SPNS3: variants seen among roughly 807,000 people sequenced by gnomAD.
SPNS3 encodes the protein protein spinster homolog 3.
Under a neutral mutation model 54.4 loss-of-function variants are expected in SPNS3, and 51 were observed. The observed-to-expected ratio is 0.94, with a 90% confidence interval of 0.75 to 1.18. The LOEUF is 1.18. SPNS3 is among the 50% of genes most tolerant of loss of function. The pLI, the probability that SPNS3 is intolerant of heterozygous loss-of-function variation, is 0.00. For missense variants in SPNS3, 669 were observed against 677.4 expected (o/e 0.99, Z 0.14); for synonymous variants, 309 against 294.7 (o/e 1.05, Z -0.50).
At chr17:4,450,365 C>CTCTT (rs1264986928) in intron 7 of SPNS3, among the ~76,000 whole-genome samples, 1 of 143,470 alleles carries the variant, frequency 7.0e-6, no homozygotes, top group Non-Finnish European at 1.5e-5. Context: ...CTCTCTCTCT[C>CTCTT]TCTCCCTACC....
At position 4,488,199 on chromosome 17, in the gene SPNS3, C is replaced by A; in HGVS notation, c.*305C>A. Reference sequence around the variant, plus strand: ...CAGTACAAAGCCCATGGATTTTGGGCCTGTAGACAGCCGTGTTATTTATAG... The same window carrying A: ...CAGTACAAAGCCCATGGATTTTGGGACTGTAGACAGCCGTGTTATTTATAG... On this transcript the variant is annotated 3_prime_UTR_variant, in exon 12 of 12. Transcript: ENST00000355530. 2.6e-6 allele frequency: 1 copy of A among 389,140 alleles called. No homozygotes were observed. Among genetic ancestry groups the A allele is most frequent in the Non-Finnish European group, 4.8e-6 (1 of 210,346 alleles). The allele number at this position is 389,140 out of a possible 1,614,324, so 24.1% of individuals were successfully genotyped here.
intron 5 of SPNS3, among the ~76,000 whole-genome samples, chr17:4,447,325 T>C (rs1971025470): frequency 6.6e-6 from 1 of 152,198 alleles, no homozygotes; most frequent in African/African-American, 2.4e-5. Context: ...GGTCAGGGTG[T>C]AGAGTAGGCC....
chr17:4,455,247 C>T (rs1314948160), intron 8 of SPNS3, among the ~76,000 whole-genome samples: 1 of 152,214 alleles, frequency 6.6e-6, no homozygotes, highest in African/African-American at 2.4e-5. Flanking sequence ...CAGAAAACTG[C>T]CTTGGGAAGA....
At chr17:4,453,504 G>C (rs1157046583) in intron 8 of SPNS3, among the ~76,000 whole-genome samples, 2 of 152,186 alleles carry the variant, frequency 1.3e-5, no homozygotes, top group African/African-American at 4.8e-5. Context: ...TATAATCCCA[G>C]CTGCTTGGGA....
Position 4,453,055 on chromosome 17 carries a change from TG to T in SPNS3, c.967del (p.Val323SerfsTer144), listed in dbSNP as rs1408548265. 1 of 1,613,872 alleles carries T rather than the reference TG, an allele frequency of 6.2e-7. No individual in the cohort carries two copies. Among genetic ancestry groups the T allele is most frequent in the Non-Finnish European group, 8.5e-7 (1 of 1,179,940 alleles). On this transcript the variant is annotated frameshift_variant, in exon 8 of 12. Transcript: ENST00000355530. LOFTEE classifies it high-confidence loss of function. ...CACTGACCATCATGACCGGCGTCAT[TG>T]GGGTCATCTTGGGGGCAGAAGCTGC... is the stretch of plus-strand genomic sequence containing the variant. ...GALTIMTGVIGVILGAEAARR... is the reference protein window; with the variant it reads ...GALTIMTGVIXVILGAEAARR...
rs541416421 is a variant in SPNS3 at position 4,434,177 on chromosome 17, G to A, written c.199+11G>A. On this transcript the variant is annotated intron_variant, in intron 1 of 11. Coordinates refer to ENST00000355530, the MANE Select transcript of SPNS3 (RefSeq NM_182538.5). ...GGTTCATCATTGCAGGTGAGGAGGGGATGGCTACCCTGGGCAGTACCTGCT... is the reference window on the plus strand; with the variant it reads ...GGTTCATCATTGCAGGTGAGGAGGGAATGGCTACCCTGGGCAGTACCTGCT... The A allele has an allele frequency of 3.7e-6, 6 of 1,603,916 alleles. No individual in the cohort carries two copies. Among genetic ancestry groups the A allele is most frequent in the South Asian group, 3.3e-5 (3 of 89,758 alleles).
intron 8 of SPNS3, among the ~76,000 whole-genome samples, chr17:4,464,193 C>G (rs61015557): frequency 0.096 from 14,584 of 152,270 alleles, 2,213 homozygotes; most frequent in African/African-American, 0.33. Flanking sequence ...GAAACAGAGG[C>G]TTCCATCTCT....
chr17:4,441,885 G>A (rs1970857460), intron 2 of SPNS3, among the ~76,000 whole-genome samples: 1 of 151,984 alleles, frequency 6.6e-6, no homozygotes, highest in African/African-American at 2.4e-5. Context: ...AAAGTGTTGA[G>A]ATTACAGACG....
chr17:4,484,808 AAT>A (rs529027390), intron 9 of SPNS3, among the ~76,000 whole-genome samples: 2 of 152,022 alleles, frequency 1.3e-5, no homozygotes, highest in African/African-American at 4.8e-5. Flanking sequence ...TTCTCCTGGG[AAT>A]AGTCTCCCAG....
chr17:4,451,374 C>T (rs576307872), intron 7 of SPNS3, among the ~76,000 whole-genome samples: 1 of 151,932 alleles, frequency 6.6e-6, no homozygotes, highest in Non-Finnish European at 1.5e-5. Context: ...GCCTCAGCCT[C>T]CCAAGTAGCT....
At chr17:4,470,384 C>T (rs1338042356) in intron 8 of SPNS3, among the ~76,000 whole-genome samples, 3 of 152,094 alleles carry the variant, frequency 2.0e-5, no homozygotes, top group South Asian at 2.1e-4. Context: ...GCCGAGATCA[C>T]GCCACTGCAC....
chr17:4,434,890 T>C (rs1166735736), intron 1 of SPNS3, among the ~76,000 whole-genome samples: 3 of 151,398 alleles, frequency 2.0e-5, no homozygotes, highest in Non-Finnish European at 4.4e-5. Context: ...CTGCAACTTC[T>C]GCCTCCCAGG....
intron 8 of SPNS3, among the ~76,000 whole-genome samples, chr17:4,468,609 G>C (rs1169117906): frequency 1.3e-5 from 2 of 152,032 alleles, no homozygotes; most frequent in African/African-American, 2.4e-5. Context: ...GGAGGGGCAG[G>C]GGTTTTTGTT....
At chr17:4,456,586 C>A (rs979500440) in intron 8 of SPNS3, among the ~76,000 whole-genome samples, 1 of 151,970 alleles carries the variant, frequency 6.6e-6, no homozygotes, top group Non-Finnish European at 1.5e-5. Context: ...AGTACAGTGG[C>A]ACGATCTAGA....
intron 8 of SPNS3, among the ~76,000 whole-genome samples, chr17:4,453,548 G>T (rs918834277): frequency 1.3e-5 from 2 of 152,068 alleles, no homozygotes; most frequent in African/African-American, 4.8e-5. Context: ...AACGCGGGAG[G>T]TGGAGGTTGC....
chr17:4,448,273 G>A lies in SPNS3; in HGVS notation c.740G>A (p.Trp247Ter). The A allele has an allele frequency of 6.3e-7, 1 of 1,586,304 alleles. No individual in the cohort carries two copies. Among genetic ancestry groups the A allele is most frequent in the East Asian group, 2.3e-5 (1 of 43,488 alleles). The change falls in exon 6 of 12, where the codon TGG becomes TAG. Residue 247 changes from tryptophan to a stop codon, truncating the protein, a stop_gained. Coordinates refer to ENST00000355530, the MANE Select transcript of SPNS3 (RefSeq NM_182538.5). LOFTEE classifies it high-confidence loss of function. ...GCCGTGGGAGGCTTCAGGAGCAGCTGGTGTGAGGACGTCAGATACCTGGGG... is the reference window on the plus strand; with the variant it reads ...GCCGTGGGAGGCTTCAGGAGCAGCTAGTGTGAGGACGTCAGATACCTGGGG... ...EGAVGGFRSS[W>*]CEDVRYLGKN... is the part of the protein sequence containing the mutation.
intron 8 of SPNS3, among the ~76,000 whole-genome samples, chr17:4,462,146 C>CACCA (rs1971526257): frequency 1.1e-4 from 1 of 8,926 alleles, no homozygotes; most frequent in African/African-American, 3.8e-4. Flanking sequence ...TCCATCCATC[C>CACCA]ATCCATCCAT....
At chr17:4,436,945 C>T (rs916884006) in intron 1 of SPNS3, among the ~76,000 whole-genome samples, 2 of 152,210 alleles carry the variant, frequency 1.3e-5, no homozygotes, top group African/African-American at 2.4e-5. Context: ...CCTGGGGACC[C>T]GCTATCTCTG....
At chr17:4,466,011 C>A (rs1293665115) in intron 8 of SPNS3, among the ~76,000 whole-genome samples, 1 of 152,194 alleles carries the variant, frequency 6.6e-6, no homozygotes, top group African/African-American at 2.4e-5. Flanking sequence ...ACCCTCACAC[C>A]CCTGCTTGGC....
Sources: allele counts gnomAD v4.1 joint callset (sites outside exome capture counted in the v4.1 genomes callset), GRCh38; gene constraint gnomAD v4.1.1; transcripts MANE v1.5; gene names NCBI Gene and HGNC (gene_info 2026-07-23, HGNC 2026-07-21).